PACS1: variants seen among roughly 807,000 people sequenced by gnomAD.
PACS1 encodes PACS-1.
Under a neutral mutation model 115.0 loss-of-function variants are expected in PACS1, and 24 were observed. That is an observed-to-expected ratio of 0.21 (90% CI 0.15 to 0.29). The LOEUF (loss-of-function observed/expected upper bound fraction) is 0.29. Among genes scored for constraint, PACS1 ranks in the 10% least tolerant of loss-of-function variants. The pLI is 1.00. For missense variants in PACS1, 838 were observed against 1,251.2 expected, an observed-to-expected ratio of 0.67 and a Z score of 4.98; for synonymous variants, 453 against 504.5, an observed-to-expected ratio of 0.90 and a Z score of 1.37.
intron 1 of PACS1, among the ~76,000 whole-genome samples, chr11:66,097,883 T>C (rs1210952503): frequency 6.6e-6 from 1 of 152,182 alleles, no homozygotes; most frequent in Non-Finnish European, 1.5e-5. Context: ...TTTTTCTTAT[T>C]TTAAAAATAG....
intron 1 of PACS1, among the ~76,000 whole-genome samples, chr11:66,075,628 A>G (rs1281363600): frequency 6.6e-6 from 1 of 152,206 alleles, no homozygotes; most frequent in East Asian, 1.9e-4. Flanking sequence ...AATTGGATCT[A>G]TAGAAGCATG....
chr11:66,216,563 G>C lies in PACS1; in HGVS notation c.849G>C (p.Glu283Asp). The C allele has an allele frequency of 6.2e-7, 1 of 1,614,188 alleles. No homozygotes were observed. Among genetic ancestry groups the C allele is most frequent in the Non-Finnish European group, 8.5e-7 (1 of 1,180,006 alleles). ...DIDNYSEEEEESFSSEQEGSD... is the reference protein window; with the variant it reads ...DIDNYSEEEEDSFSSEQEGSD... ...ACAATTATTCTGAGGAAGAGGAAGA[G>C]AGTTTCTCATCAGAACAGGAAGGCA... The change falls in exon 6 of 24, where the codon GAG becomes GAC. Residue 283 changes from glutamate (E) to aspartate (D), a missense_variant. Physicochemically the swap from Glu to Asp is conservative, Grantham distance 45. Transcript: ENST00000320580.
intron 1 of PACS1, among the ~76,000 whole-genome samples, chr11:66,122,410 A>G (rs138080869): frequency 5.9e-5 from 9 of 152,356 alleles, no homozygotes; most frequent in South Asian, 2.1e-4. Flanking sequence ...GCAGCAGCCC[A>G]TGGATAAAGG....
At chr11:66,090,986 G>A (rs117866752) in intron 1 of PACS1, among the ~76,000 whole-genome samples, 4,208 of 152,132 alleles carry the variant, frequency 0.028, 97 homozygotes, top group Non-Finnish European at 0.039. Flanking sequence ...ATAAAATATT[G>A]AATTTCAATA....
chr11:66,239,405 C>A, intron 21 of PACS1, 128 bp downstream of exon 21: 1 of 1,112,302 alleles, frequency 9.0e-7, no homozygotes, highest in Non-Finnish European at 1.2e-6. Flanking sequence ...CACCTGTGGT[C>A]CTAGCTACTC....
At chr11:66,075,778 C>T (rs1857384751) in intron 1 of PACS1, among the ~76,000 whole-genome samples, 1 of 142,448 alleles carries the variant, frequency 7.0e-6, no homozygotes, top group African/African-American at 2.6e-5. Context: ...CTCGCTCTGT[C>T]CCCCGGCTGG....
At chr11:66,134,540 G>A (rs922272437) in intron 1 of PACS1, among the ~76,000 whole-genome samples, 5 of 150,190 alleles carry the variant, frequency 3.3e-5, no homozygotes, top group Admixed American at 6.7e-5. Flanking sequence ...TATAGGGACA[G>A]ATGGGTTTGT....
intron 11 of PACS1, 122 bp from the exon 12 acceptor site, chr11:66,230,426 C>T (rs147235791): frequency 3.7e-5 from 26 of 702,968 alleles, no homozygotes; most frequent in South Asian, 5.3e-5. Context: ...CACTTGCTTT[C>T]AGGAAAAGAA....
intron 1 of PACS1, among the ~76,000 whole-genome samples, chr11:66,107,382 C>G (rs780324188): frequency 6.6e-6 from 1 of 152,138 alleles, no homozygotes; most frequent in Non-Finnish European, 1.5e-5. Context: ...TTCCTGCTTC[C>G]CTTTCTCCAT....
chr11:66,092,348 C>T (rs199979516), intron 1 of PACS1, among the ~76,000 whole-genome samples: 16 of 152,122 alleles, frequency 1.1e-4, no homozygotes, highest in South Asian at 2.1e-4. Flanking sequence ...TCATGTCCTT[C>T]GCCCACTTTT....
At chr11:66,188,132 A>G (rs1854428799) in intron 1 of PACS1, among the ~76,000 whole-genome samples, 1 of 141,854 alleles carries the variant, frequency 7.0e-6, no homozygotes, top group East Asian at 2.0e-4. Context: ...ATGTCTGTTC[A>G]GATCGTTTGG....
chr11:66,137,328 G>A (rs1858870384), intron 1 of PACS1, among the ~76,000 whole-genome samples: 1 of 152,072 alleles, frequency 6.6e-6, no homozygotes, highest in South Asian at 2.1e-4. Context: ...AAGATGTGAG[G>A]TAGGGGTTCA....
chr11:66,103,754 TC>T (rs1353368015), intron 1 of PACS1, among the ~76,000 whole-genome samples: 1 of 152,080 alleles, frequency 6.6e-6, no homozygotes, highest in Non-Finnish European at 1.5e-5. Context: ...CTTCAAGTGA[TC>T]CATCCGCTTC....
chr11:66,184,488 G>T (rs534974449), intron 1 of PACS1, among the ~76,000 whole-genome samples: 2 of 152,116 alleles, frequency 1.3e-5, no homozygotes, highest in Non-Finnish European at 2.9e-5. Flanking sequence ...CTACAGTCAC[G>T]TATAAACTAG....
chr11:66,109,387 A>G (rs950002871), intron 1 of PACS1, among the ~76,000 whole-genome samples: 3 of 152,156 alleles, frequency 2.0e-5, no homozygotes, highest in Admixed American at 6.5e-5. Flanking sequence ...GTGAGACCCC[A>G]TCTCTATTTT....
chr11:66,212,876 G>C (rs1855108762), intron 4 of PACS1, among the ~76,000 whole-genome samples: 1 of 152,098 alleles, frequency 6.6e-6, no homozygotes, highest in Non-Finnish European at 1.5e-5. Context: ...TCGAGACAGA[G>C]TCTCACTTCA....
chr11:66,099,916 T>C (rs1203493392), intron 1 of PACS1, among the ~76,000 whole-genome samples: 1 of 151,698 alleles, frequency 6.6e-6, no homozygotes, highest in Non-Finnish European at 1.5e-5. Flanking sequence ...TGGCGCAATC[T>C]CGGTTCACCA....
Position 66,219,832 on chromosome 11 carries a change from T to C in PACS1, c.1038+27T>C. ...TATGGCCTCTTACTCCCAAGGTTAA[T>C]GGTGAGTAGAATTCCCCGGGTTTCA... On this transcript the variant is annotated intron_variant, in intron 8 of 23. Transcript: ENST00000320580. 3 of 1,537,778 alleles carry C rather than the reference T, an allele frequency of 2.0e-6. 1 individual carries two copies. Among genetic ancestry groups the C allele is most frequent in the African/African-American group, 2.7e-5 (2 of 73,530 alleles).
At chr11:66,128,265 CAA>C (rs762058892) in intron 1 of PACS1, among the ~76,000 whole-genome samples, 4 of 151,856 alleles carry the variant, frequency 2.6e-5, no homozygotes, top group African/African-American at 4.8e-5. Context: ...CCAAAAAAGA[CAA>C]GAGGAAATTT....
Sources: allele counts gnomAD v4.1 joint callset (sites outside exome capture counted in the v4.1 genomes callset), GRCh38; gene constraint gnomAD v4.1.1; transcripts MANE v1.5; gene names NCBI Gene and HGNC (gene_info 2026-07-23, HGNC 2026-07-21).